The following PRR16 variants were observed in gnomAD, a reference collection of about 807,000 sequenced individuals.
PRR16 encodes protein Largen.
Under a neutral mutation model 18.2 loss-of-function variants are expected in PRR16, and 6 were observed. The observed-to-expected ratio is 0.33, with a 90% CI of 0.18 to 0.65. The LOEUF (loss-of-function observed/expected upper bound fraction) is 0.65. Among genes scored for constraint, PRR16 ranks in the 30% least tolerant of loss-of-function variants. The pLI, the probability that PRR16 is intolerant of heterozygous loss-of-function variation, is 0.74. For synonymous variants in PRR16, 151 were observed against 147.8 expected (o/e 1.02, Z -0.16); for missense variants, 412 against 376.6 (o/e 1.09, Z -0.78).
chr5:120,660,105 A>G (rs933819715), intron 1 of PRR16, among the ~76,000 whole-genome samples: 3 of 152,014 alleles, frequency 2.0e-5, no homozygotes, highest in Admixed American at 6.6e-5. Context: ...TCCTAAGTTT[A>G]TGAAACTAGA....
the PRR16 span, among the ~76,000 whole-genome samples, chr5:120,767,370 A>G: frequency 2.0e-5 from 3 of 152,040 alleles, no homozygotes; most frequent in Admixed American, 2.0e-4. Flanking sequence ...ACAAAGTTCT[A>G]TGCTAATTAT....
intron 1 of PRR16, among the ~76,000 whole-genome samples, chr5:120,506,584 G>A (rs933143156): frequency 2.0e-5 from 3 of 152,026 alleles, no homozygotes; most frequent in Admixed American, 6.6e-5. Context: ...AGATGATACC[G>A]TATCATAGTT....
At chr5:120,567,036 T>A (rs1580732450) in intron 1 of PRR16, among the ~76,000 whole-genome samples, 1 of 152,288 alleles carries the variant, frequency 6.6e-6, no homozygotes, top group Middle Eastern at 3.4e-3. Flanking sequence ...TTTTCAGCAG[T>A]TTGTCTTGGG....
At chr5:120,697,978 C>A in the PRR16 span, among the ~76,000 whole-genome samples, 2 of 152,050 alleles carry the variant, frequency 1.3e-5, no homozygotes, top group African/African-American at 4.8e-5. Context: ...GCCATCTGGG[C>A]GTATACGTGC....
Position 120,685,975 on chromosome 5 carries a change from C to T in PRR16, c.181C>T (p.Leu61=), listed in dbSNP as rs780534416. Residue 61 remains leucine (L), a synonymous_variant, in exon 2 of 2, where the codon CTG becomes TTG. Transcript: ENST00000407149. ...CTAGGTGGTTGACCAGATTGACACC[C>T]TGACCTCTGACCTACAGCTGGAGGA... ...LKEVVDQIDT[L]TSDLQLEDEM... 1 of 1,613,662 alleles carries T rather than the reference C, an allele frequency of 6.2e-7. No homozygotes were observed. The highest frequency in any genetic ancestry group is 1.1e-5 in the South Asian group (1 of 91,022).
chr5:120,470,274 G>A (rs1436987046), intron 1 of PRR16, among the ~76,000 whole-genome samples: 5 of 151,858 alleles, frequency 3.3e-5, no homozygotes, highest in South Asian at 4.2e-4. Flanking sequence ...ACAACAAAGG[G>A]CACTATTAAA....
At chr5:120,757,076 G>A in the PRR16 span, among the ~76,000 whole-genome samples, 2 of 152,166 alleles carry the variant, frequency 1.3e-5, no homozygotes, top group South Asian at 2.1e-4. Context: ...TGAACAGGGA[G>A]TACTTTCTTT....
chr5:120,501,584 G>T (rs947170550), intron 1 of PRR16, among the ~76,000 whole-genome samples: 2 of 152,120 alleles, frequency 1.3e-5, no homozygotes, highest in Non-Finnish European at 2.9e-5. Context: ...CATTAAGATG[G>T]TATTTCCGTA....
the PRR16 span, among the ~76,000 whole-genome samples, chr5:120,750,244 C>A: frequency 6.6e-6 from 1 of 151,862 alleles, no homozygotes; most frequent in African/African-American, 2.4e-5. Context: ...ATATAAGAGC[C>A]TAATAGGTAA....
At chr5:120,568,927 C>T (rs962613763) in intron 1 of PRR16, among the ~76,000 whole-genome samples, 4 of 152,002 alleles carry the variant, frequency 2.6e-5, no homozygotes, top group Non-Finnish European at 4.4e-5. Flanking sequence ...AACACAATAG[C>T]ATCACCAGCC....
chr5:120,480,816 A>G (rs1487185880), intron 1 of PRR16, among the ~76,000 whole-genome samples: 1 of 152,240 alleles, frequency 6.6e-6, no homozygotes, highest in East Asian at 1.9e-4. Context: ...ACCATTATTT[A>G]CTGAGCTGAA....
chr5:120,550,235 C>A (rs1752211798), intron 1 of PRR16, among the ~76,000 whole-genome samples: 1 of 151,902 alleles, frequency 6.6e-6, no homozygotes, highest in Non-Finnish European at 1.5e-5. Context: ...CGAGACATCC[C>A]AACATTTTTT....
At chr5:120,591,222 T>C (rs777086867) in intron 1 of PRR16, among the ~76,000 whole-genome samples, 4 of 151,894 alleles carry the variant, frequency 2.6e-5, no homozygotes, top group African/African-American at 4.8e-5. Context: ...GAGGTTGCAG[T>C]GAGCCGAGAT....
At chr5:120,475,357 G>A (rs1044309471) in intron 1 of PRR16, among the ~76,000 whole-genome samples, 13 of 151,820 alleles carry the variant, frequency 8.6e-5, no homozygotes, top group African/African-American at 1.7e-4. Flanking sequence ...TTTAAATCAC[G>A]TCTCTTTTTC....
intron 1 of PRR16, among the ~76,000 whole-genome samples, chr5:120,561,174 C>T (rs1455383532): frequency 6.6e-6 from 1 of 151,610 alleles, no homozygotes; most frequent in East Asian, 1.9e-4. Flanking sequence ...TGAGTTTGCT[C>T]TTTCATTTTT....
chr5:120,787,519 G>C, the PRR16 span, among the ~76,000 whole-genome samples: 1 of 152,052 alleles, frequency 6.6e-6, no homozygotes, highest in Non-Finnish European at 1.5e-5. Context: ...GCCACTGAGG[G>C]CTGAGAGGCA....
intron 1 of PRR16, among the ~76,000 whole-genome samples, chr5:120,666,437 G>C (rs1756379564): frequency 1.3e-5 from 2 of 151,492 alleles, no homozygotes; most frequent in East Asian, 3.9e-4. Flanking sequence ...TTTCCTAATT[G>C]AATACCCTTT....
intron 1 of PRR16, among the ~76,000 whole-genome samples, chr5:120,623,047 A>C (rs1754743107): frequency 6.6e-6 from 1 of 152,170 alleles, no homozygotes; most frequent in African/African-American, 2.4e-5. Context: ...AATATAAAGT[A>C]ATGTATTGAC....
chr5:120,569,197 T>G (rs1752828177), intron 1 of PRR16, among the ~76,000 whole-genome samples: 1 of 152,158 alleles, frequency 6.6e-6, no homozygotes, highest in Non-Finnish European at 1.5e-5. Context: ...TTTAACCAAT[T>G]GTTTACTGTA....
Sources: gnomAD v4.1 joint callset for allele counts (sites outside exome capture counted in the v4.1 genomes callset) on GRCh38, gnomAD v4.1.1 for gene constraint, MANE v1.5 for transcripts, NCBI Gene and HGNC (gene_info 2026-07-23, HGNC 2026-07-21) for gene names.